The following LRMDA variants were observed in gnomAD, a reference collection of about 807,000 sequenced individuals.
The protein encoded by LRMDA is leucine-rich melanocyte differentiation-associated protein.
Under a neutral mutation model 29.8 loss-of-function variants are expected in LRMDA, and 18 were observed. That is an observed-to-expected ratio of 0.60 (90% CI 0.42 to 0.90). The LOEUF (loss-of-function observed/expected upper bound fraction) is 0.90, where lower values mean the gene tolerates loss of function less well. Ranked by LOEUF, LRMDA falls within the 40% of genes least tolerant of loss-of-function variation. The pLI is 0.00. For synonymous variants in LRMDA, 125 were observed against 109.4 expected, an observed-to-expected ratio of 1.14 and a Z score of -0.89; for missense variants, 273 against 273.9, an observed-to-expected ratio of 1.00 and a Z score of 0.02.
intron 6 of LRMDA, among the ~76,000 whole-genome samples, chr10:76,398,425 C>A (rs191345790): frequency 1.3e-5 from 2 of 152,310 alleles, no homozygotes; most frequent in Admixed American, 1.3e-4. Context: ...TGTTGCTTTG[C>A]ATAGAGGCAG....
intron 5 of LRMDA, among the ~76,000 whole-genome samples, chr10:76,274,651 A>G (rs1840108859): frequency 6.6e-6 from 1 of 152,200 alleles, no homozygotes; most frequent in South Asian, 2.1e-4. Flanking sequence ...CTGCTTTGCT[A>G]TGTATCAGGG....
chr10:75,545,778 A>G (rs1044428404), intron 2 of LRMDA, among the ~76,000 whole-genome samples: 1 of 152,214 alleles, frequency 6.6e-6, no homozygotes, highest in Non-Finnish European at 1.5e-5. Context: ...GTTTCAGCTT[A>G]CAGTATTAAG....
At chr10:76,120,648 G>A (rs2132124027) in intron 5 of LRMDA, among the ~76,000 whole-genome samples, 1 of 152,302 alleles carries the variant, frequency 6.6e-6, no homozygotes, top group East Asian at 1.9e-4. Context: ...AATGCTGTTT[G>A]ATGATAGAAA....
At chr10:75,846,978 G>A (rs1286082952) in intron 2 of LRMDA, among the ~76,000 whole-genome samples, 1 of 152,132 alleles carries the variant, frequency 6.6e-6, no homozygotes, top group African/African-American at 2.4e-5. Context: ...AATCTCAGTG[G>A]CAATTTTGCA....
intron 2 of LRMDA, among the ~76,000 whole-genome samples, chr10:75,896,011 T>C (rs1020562799): frequency 1.3e-5 from 2 of 152,180 alleles, no homozygotes; most frequent in African/African-American, 4.8e-5. Context: ...CATGTGTATA[T>C]TGAGGATAAT....
chr10:75,494,349 G>C (rs918784557), intron 2 of LRMDA, among the ~76,000 whole-genome samples: 3 of 152,080 alleles, frequency 2.0e-5, no homozygotes, highest in African/African-American at 7.2e-5. Context: ...CCAGAGCTGT[G>C]ATTAGGGTGT....
intron 2 of LRMDA, among the ~76,000 whole-genome samples, chr10:75,478,336 G>T (rs987070738): frequency 6.6e-6 from 1 of 152,174 alleles, no homozygotes; most frequent in Non-Finnish European, 1.5e-5. Flanking sequence ...ATGTTGCATT[G>T]TCTGCTGTTA....
intron 2 of LRMDA, among the ~76,000 whole-genome samples, chr10:75,988,068 A>G (rs4746342): frequency 0.25 from 37,708 of 152,210 alleles, 5,104 homozygotes; most frequent in South Asian, 0.43. Flanking sequence ...CCTCTGTGTC[A>G]CTTTCCATTC....
chr10:75,570,542 C>T (rs1030233205), intron 2 of LRMDA, among the ~76,000 whole-genome samples: 5 of 152,188 alleles, frequency 3.3e-5, no homozygotes, highest in Non-Finnish European at 7.3e-5. Flanking sequence ...AAAATTATTT[C>T]ATACATCTAA....
intron 2 of LRMDA, among the ~76,000 whole-genome samples, chr10:75,605,318 T>C (rs754374743): frequency 6.6e-6 from 1 of 152,202 alleles, no homozygotes; most frequent in Non-Finnish European, 1.5e-5. Flanking sequence ...GCTGTTTGAA[T>C]ATAGAAGACA....
At position 75,441,340 on chromosome 10, in the gene LRMDA, G is replaced by A. The variant is rs558668970; in HGVS notation, c.131+2846G>A. 7.0e-4 allele frequency among the ~76,000 whole-genome samples: 106 copies of A among 152,218 alleles called. No individual in the cohort carries two copies. The South Asian group carries it at 0.012, about 17-fold the overall frequency. ...CACCGCAGCTCCCTGACCATCTTTC[G>A]GCTCTGTTGTCTGCTATTCTTCCTC... On this transcript the variant is annotated intron_variant, in intron 2 of 6. Transcript: ENST00000611255.
chr10:75,995,959 TC>T (rs1322222460), intron 2 of LRMDA, among the ~76,000 whole-genome samples: 1 of 152,140 alleles, frequency 6.6e-6, no homozygotes, highest in Non-Finnish European at 1.5e-5. Flanking sequence ...AAGTTTTAGA[TC>T]CATAACTGAC....
At chr10:75,891,557 GTCATGGGTGACC>G (rs1261166016) in intron 2 of LRMDA, among the ~76,000 whole-genome samples, 2 of 152,210 alleles carry the variant, frequency 1.3e-5, no homozygotes, top group Non-Finnish European at 2.9e-5. Context: ...CAAAGGCTGG[GTCATGGGTGACC>G]TCAAAGGCTC....
chr10:75,690,063 A>G (rs891330167), intron 2 of LRMDA, among the ~76,000 whole-genome samples: 1 of 152,196 alleles, frequency 6.6e-6, no homozygotes, highest in Non-Finnish European at 1.5e-5. Context: ...ACAAAACAAT[A>G]CTTAATATTT....
chr10:76,279,120 T>C (rs960077564), intron 5 of LRMDA, among the ~76,000 whole-genome samples: 37 of 152,138 alleles, frequency 2.4e-4, no homozygotes, highest in Admixed American at 1.6e-3. Context: ...ATATTATAAA[T>C]GAGAGAAATA....
intron 2 of LRMDA, among the ~76,000 whole-genome samples, chr10:75,845,595 T>G (rs1200798875): frequency 1.3e-5 from 2 of 152,256 alleles, no homozygotes; most frequent in Non-Finnish European, 2.9e-5. Context: ...AAGTCCAGGA[T>G]GCCAGGTAGC....
intron 5 of LRMDA, among the ~76,000 whole-genome samples, chr10:76,121,419 G>T (rs1849786178): frequency 6.6e-6 from 1 of 152,132 alleles, no homozygotes; most frequent in South Asian, 2.1e-4. Context: ...GAAAAATTGG[G>T]CTTCCAAAAG....
intron 6 of LRMDA, among the ~76,000 whole-genome samples, chr10:76,463,062 T>G (rs563542456): frequency 6.6e-6 from 1 of 152,274 alleles, no homozygotes; most frequent in East Asian, 1.9e-4. Flanking sequence ...CCTTGGTTAG[T>G]CTGGTGGCAT....
At chr10:76,224,550 C>A (rs1851914096) in intron 5 of LRMDA, among the ~76,000 whole-genome samples, 2 of 149,946 alleles carry the variant, frequency 1.3e-5, no homozygotes, top group African/African-American at 4.9e-5. Context: ...CCAGCCTGGG[C>A]AACAGAGCCA....
Sources: allele counts gnomAD v4.1 joint callset (sites outside exome capture counted in the v4.1 genomes callset), GRCh38; gene constraint gnomAD v4.1.1; transcripts MANE v1.5; gene names NCBI Gene and HGNC (gene_info 2026-07-23, HGNC 2026-07-21).